LINGO2: variants seen among roughly 807,000 people sequenced by gnomAD.
LINGO2 encodes the protein leucine rich repeat and Ig domain containing 2, also known as leucine-rich repeat and immunoglobulin-like domain-containing nogo receptor-interacting protein 2.
In LINGO2, 14 loss-of-function variants were observed where a neutral mutation model predicts 30.6. That is an observed-to-expected ratio of 0.46 (90% CI 0.30 to 0.72). The LOEUF (loss-of-function observed/expected upper bound fraction) is 0.72. LINGO2 is among the 30% of genes least tolerant of loss of function. LINGO2 has a pLI of 0.07. For missense variants in LINGO2, 729 were observed against 751.7 expected, an observed-to-expected ratio of 0.97 and a Z score of 0.35; for synonymous variants, 317 against 288.5, an observed-to-expected ratio of 1.10 and a Z score of -1.00.
chr9:28,790,476 C>T, the LINGO2 span, among the ~76,000 whole-genome samples: 6 of 150,940 alleles, frequency 4.0e-5, no homozygotes, highest in Non-Finnish European at 8.9e-5. Flanking sequence ...CTACAGGCGC[C>T]CGCCACCACG....
At chr9:29,098,865 C>T in the LINGO2 span, among the ~76,000 whole-genome samples, 21 of 151,864 alleles carry the variant, frequency 1.4e-4, no homozygotes, top group Non-Finnish European at 2.5e-4. Context: ...TAAGAAGCAA[C>T]TGAAAGAAAA....
chr9:28,516,784 T>C (rs1820635308), intron 1 of LINGO2, among the ~76,000 whole-genome samples: 1 of 152,224 alleles, frequency 6.6e-6, no homozygotes. Flanking sequence ...GGTTGAAATA[T>C]CTTCTTAGCT....
chr9:28,695,187 T>G, the LINGO2 span, among the ~76,000 whole-genome samples: 1 of 151,964 alleles, frequency 6.6e-6, no homozygotes, highest in Non-Finnish European at 1.5e-5. Context: ...AAACCCTATT[T>G]AAAAGATGGC....
chr9:28,619,442 A>G (rs1306072508), intron 1 of LINGO2, among the ~76,000 whole-genome samples: 1 of 152,124 alleles, frequency 6.6e-6, no homozygotes, highest in Non-Finnish European at 1.5e-5. Context: ...GCTGAGCCTC[A>G]ATTTTCTTAC....
At chr9:28,987,496 G>T in the LINGO2 span, among the ~76,000 whole-genome samples, 1 of 151,574 alleles carries the variant, frequency 6.6e-6, no homozygotes, top group Non-Finnish European at 1.5e-5. Flanking sequence ...CCAACTCTTA[G>T]TTTATTGACC....
chr9:28,028,285 G>A lies in LINGO2; in HGVS notation c.-86-15880C>T, dbSNP rs148670518. On this transcript the variant is annotated intron_variant, in intron 4 of 5. Transcript: ENST00000379992. ...AACATAGCTTTTCCACAACTAGGCA[G>A]GTGCAATGCCATCATATAAAATCTT... 1.5e-3 allele frequency among the ~76,000 whole-genome samples: 224 copies of A among 152,234 alleles called. 2 individuals are homozygous for A. The Middle Eastern group carries it at 0.027, about 18-fold the overall frequency.
At chr9:29,011,482 G>A in the LINGO2 span, among the ~76,000 whole-genome samples, 11 of 152,044 alleles carry the variant, frequency 7.2e-5, no homozygotes, top group African/African-American at 2.7e-4. Flanking sequence ...TGTTCTGTAG[G>A]TCTATCCCAA....
the LINGO2 span, among the ~76,000 whole-genome samples, chr9:28,866,777 A>C: frequency 0.15 from 23,332 of 152,136 alleles, 2,794 homozygotes; most frequent in African/African-American, 0.34. Context: ...CGGGGGGTAA[A>C]TTCCAGCTAA....
At chr9:28,378,309 G>A (rs1021156816) in intron 2 of LINGO2, among the ~76,000 whole-genome samples, 4 of 152,118 alleles carry the variant, frequency 2.6e-5, no homozygotes, top group African/African-American at 9.7e-5. Flanking sequence ...TGGACAAAAG[G>A]TTATTTATGC....
chr9:28,457,484 G>A (rs1012138342), intron 2 of LINGO2, among the ~76,000 whole-genome samples: 2 of 151,924 alleles, frequency 1.3e-5, no homozygotes, highest in Non-Finnish European at 2.9e-5. Flanking sequence ...GACAATCATC[G>A]CTCACTGCAG....
chr9:28,345,004 G>C (rs1222475361), intron 3 of LINGO2, among the ~76,000 whole-genome samples: 1 of 151,936 alleles, frequency 6.6e-6, no homozygotes, highest in Non-Finnish European at 1.5e-5. Flanking sequence ...GACAGTGGTA[G>C]TTCACTGACT....
chr9:28,841,560 G>A, the LINGO2 span, among the ~76,000 whole-genome samples: 1 of 151,334 alleles, frequency 6.6e-6, no homozygotes, highest in Non-Finnish European at 1.5e-5. Context: ...TTGGGAAACA[G>A]ACAATAAACA....
At chr9:28,557,214 A>G (rs900670857) in intron 1 of LINGO2, among the ~76,000 whole-genome samples, 8 of 152,206 alleles carry the variant, frequency 5.3e-5, no homozygotes, top group Non-Finnish European at 5.9e-5. Flanking sequence ...CAGGCAACCT[A>G]CAAAATGGGA....
the LINGO2 span, among the ~76,000 whole-genome samples, chr9:28,753,478 T>C: frequency 1.3e-5 from 2 of 152,008 alleles, no homozygotes; most frequent in East Asian, 1.9e-4. Flanking sequence ...AAAGATTGTA[T>C]CCTAAATCAG....
the LINGO2 span, among the ~76,000 whole-genome samples, chr9:28,998,845 T>C: frequency 6.6e-6 from 1 of 152,102 alleles, no homozygotes; most frequent in Non-Finnish European, 1.5e-5. Flanking sequence ...GTTACCATTA[T>C]ATATATAGCA....
chr9:27,977,684 A>C (rs930614956), intron 5 of LINGO2, among the ~76,000 whole-genome samples: 1 of 151,926 alleles, frequency 6.6e-6, no homozygotes, highest in Non-Finnish European at 1.5e-5. Context: ...TGAAATATTT[A>C]AAGTGATCTC....
At chr9:28,059,670 T>G (rs1825081143) in intron 4 of LINGO2, among the ~76,000 whole-genome samples, 2 of 152,158 alleles carry the variant, frequency 1.3e-5, no homozygotes, top group Non-Finnish European at 1.5e-5. Flanking sequence ...GAAGCATTTA[T>G]AGAACACATT....
At chr9:28,669,775 A>G (rs1828944506) in intron 1 of LINGO2, among the ~76,000 whole-genome samples, 1 of 152,032 alleles carries the variant, frequency 6.6e-6, no homozygotes. Flanking sequence ...ATAAATTTAA[A>G]TTTATATACC....
At chr9:29,074,293 G>A in the LINGO2 span, among the ~76,000 whole-genome samples, 1 of 144,730 alleles carries the variant, frequency 6.9e-6, no homozygotes, top group Admixed American at 6.8e-5. Flanking sequence ...ATTATATATT[G>A]ATGTCTTATC....
Sources: allele counts gnomAD v4.1 joint callset (sites outside exome capture counted in the v4.1 genomes callset), GRCh38; gene constraint gnomAD v4.1.1; transcripts MANE v1.5; gene names NCBI Gene and HGNC (gene_info 2026-07-23, HGNC 2026-07-21).